The following COL23A1 variants were observed in gnomAD, a reference collection of about 807,000 sequenced individuals.
COL23A1 encodes collagen alpha-1(XXIII) chain.
Under a neutral mutation model 99.3 loss-of-function variants are expected in COL23A1, and 97 were observed. The observed-to-expected ratio is 0.98, with a 90% CI of 0.83 to 1.16. The LOEUF is 1.16. Ranked by LOEUF, COL23A1 falls within the 50% of genes most tolerant of loss-of-function variation. The pLI is 0.00. For missense variants in COL23A1, 762 were observed against 757.4 expected, an observed-to-expected ratio of 1.01 and a Z score of -0.07; for synonymous variants, 320 against 308.2, an observed-to-expected ratio of 1.04 and a Z score of -0.40.
At chr5:178,517,288 C>T (rs1157024690) in intron 2 of COL23A1, among the ~76,000 whole-genome samples, 17 of 152,124 alleles carry the variant, frequency 1.1e-4, no homozygotes, top group Admixed American at 8.5e-4. Context: ...AACCTGTATC[C>T]CTAACTGGCG....
At chr5:178,523,183 T>C (rs200407386) in intron 2 of COL23A1, among the ~76,000 whole-genome samples, 2,560 of 37,030 alleles carry the variant, frequency 0.069, 60 homozygotes, top group African/African-American at 0.11. Flanking sequence ...TATATACACA[T>C]ATATATATAT....
At chr5:178,507,574 G>C (rs1291922267) in intron 2 of COL23A1, among the ~76,000 whole-genome samples, 3 of 152,194 alleles carry the variant, frequency 2.0e-5, no homozygotes, top group Non-Finnish European at 2.9e-5. Flanking sequence ...TCTTTCATCT[G>C]AGAATCTTGA....
intron 2 of COL23A1, among the ~76,000 whole-genome samples, chr5:178,371,204 T>C (rs1405478235): frequency 6.6e-6 from 1 of 152,034 alleles, no homozygotes; most frequent in Admixed American, 6.5e-5. Context: ...AAAGGAAAAA[T>C]GTTCTGTGCA....
At chr5:178,514,662 GCTGCCCCGACAATGCA>G (rs1759406857) in intron 2 of COL23A1, among the ~76,000 whole-genome samples, 1 of 152,234 alleles carries the variant, frequency 6.6e-6, no homozygotes, top group Non-Finnish European at 1.5e-5. Context: ...ACAGCAGCCT[GCTGCCCCGACAATGCA>G]CAAAGGGGCC....
intron 2 of COL23A1, among the ~76,000 whole-genome samples, chr5:178,380,080 T>G (rs192218526): frequency 6.6e-6 from 1 of 152,268 alleles, no homozygotes; most frequent in East Asian, 1.9e-4. Flanking sequence ...CTGTGTTTTG[T>G]GAACCGTGAT....
At chr5:178,322,805 G>A (rs1268616725) in intron 2 of COL23A1, among the ~76,000 whole-genome samples, 1 of 152,220 alleles carries the variant, frequency 6.6e-6, no homozygotes, top group Admixed American at 6.5e-5. Flanking sequence ...CCCTGTCCCT[G>A]GGGTTCCATG....
intron 2 of COL23A1, among the ~76,000 whole-genome samples, chr5:178,443,370 CTT>C (rs930986222): frequency 2.0e-5 from 3 of 152,244 alleles, no homozygotes; most frequent in Non-Finnish European, 2.9e-5. Flanking sequence ...CTCAGCTCCT[CTT>C]TGTTCAGATT....
chr5:178,416,108 T>C (rs959455102), intron 2 of COL23A1, among the ~76,000 whole-genome samples: 3 of 152,192 alleles, frequency 2.0e-5, no homozygotes, highest in African/African-American at 4.8e-5. Flanking sequence ...CATTCATTCA[T>C]TCATTCGCTC....
chr5:178,562,669 G>A (rs1007942469), intron 1 of COL23A1: 1 of 150,572 alleles, frequency 6.6e-6, no homozygotes, highest in Non-Finnish European at 1.5e-5. Context: ...GATTTATTGT[G>A]AAGAGCAAAA....
rs1022776142 is a variant in COL23A1 at position 178,538,221 on chromosome 5, T to G, written c.361+22461A>C. Among the ~76,000 whole-genome samples the G allele has an allele frequency of 2.0e-5, 3 of 152,176 alleles. No individual in the cohort carries two copies. In the South Asian group the frequency reaches 6.2e-4, roughly 32 times the overall value. On this transcript the variant is annotated intron_variant, in intron 2 of 28. Transcript: ENST00000390654. ...TCGTTTACCGCTCAGGGCTGGGCAT[T>G]CCACCTCTAGGCAGATTCCCGCAGA...
At chr5:178,572,502 G>A (rs930339547) in intron 1 of COL23A1, among the ~76,000 whole-genome samples, 4 of 151,824 alleles carry the variant, frequency 2.6e-5, no homozygotes, top group African/African-American at 9.7e-5. Context: ...CTTAAAACCA[G>A]CAATAAAGAG....
chr5:178,294,736 G>A (rs1757652284), intron 3 of COL23A1, among the ~76,000 whole-genome samples: 1 of 152,228 alleles, frequency 6.6e-6, no homozygotes, highest in African/African-American at 2.4e-5. Context: ...CTGGGAGAGG[G>A]CAGGCTTTTC....
At chr5:178,521,856 T>C (rs1254454583) in intron 2 of COL23A1, among the ~76,000 whole-genome samples, 1 of 152,178 alleles carries the variant, frequency 6.6e-6, no homozygotes, top group Non-Finnish European at 1.5e-5. Context: ...GTCAGGGGTA[T>C]AAAGGGAGTT....
At chr5:178,429,353 G>A (rs970436088) in intron 2 of COL23A1, among the ~76,000 whole-genome samples, 3 of 152,184 alleles carry the variant, frequency 2.0e-5, no homozygotes, top group African/African-American at 7.2e-5. Flanking sequence ...TCTAGAGAAA[G>A]TTGCCCTGCT....
At chr5:178,433,697 A>G (rs1049363882) in intron 2 of COL23A1, among the ~76,000 whole-genome samples, 1 of 152,256 alleles carries the variant, frequency 6.6e-6, no homozygotes, top group Non-Finnish European at 1.5e-5. Context: ...GTTCTGTGTC[A>G]GAACCAGGGA....
At chr5:178,445,937 G>C (rs1262885720) in intron 2 of COL23A1, among the ~76,000 whole-genome samples, 3 of 152,058 alleles carry the variant, frequency 2.0e-5, no homozygotes, top group Non-Finnish European at 4.4e-5. Flanking sequence ...CTTATCACCT[G>C]GAAGGGGCTG....
chr5:178,498,816 A>T (rs2127982056), intron 2 of COL23A1, among the ~76,000 whole-genome samples: 1 of 152,264 alleles, frequency 6.6e-6, no homozygotes, highest in South Asian at 2.1e-4. Context: ...GTGGCTGGGC[A>T]CTGTGGCTCA....
chr5:178,560,464 C>T (rs1021357842), intron 2 of COL23A1, among the ~76,000 whole-genome samples: 23 of 152,182 alleles, frequency 1.5e-4, no homozygotes, highest in Admixed American at 7.2e-4. Context: ...TGTCTTAGCT[C>T]CTCCACCAAT....
chr5:178,435,622 G>A (rs569862144), intron 2 of COL23A1, among the ~76,000 whole-genome samples: 1 of 152,194 alleles, frequency 6.6e-6, no homozygotes, highest in Non-Finnish European at 1.5e-5. Flanking sequence ...GATGCATCTC[G>A]TGGGCTTCCC....
Sources: gnomAD v4.1 joint callset for allele counts (sites outside exome capture counted in the v4.1 genomes callset) on GRCh38, gnomAD v4.1.1 for gene constraint, MANE v1.5 for transcripts, NCBI Gene and HGNC (gene_info 2026-07-23, HGNC 2026-07-21) for gene names.